The following ACOXL variants were observed in gnomAD, a reference collection of about 807,000 sequenced individuals.
ACOXL encodes acyl-coenzyme A oxidase-like protein.
Under a neutral mutation model 71.9 loss-of-function variants are expected in ACOXL, and 70 were observed. The observed-to-expected ratio is 0.97, with a 90% CI of 0.80 to 1.19. The LOEUF is 1.19. Ranked by LOEUF, ACOXL falls within the 50% of genes most tolerant of loss-of-function variation. ACOXL has a pLI of 0.00. For synonymous variants in ACOXL, 253 were observed against 281.6 expected, an observed-to-expected ratio of 0.90 and a Z score of 1.02; for missense variants, 703 against 736.3, an observed-to-expected ratio of 0.95 and a Z score of 0.52.
At chr2:110,781,492 A>G (rs111503020) in intron 2 of ACOXL, among the ~76,000 whole-genome samples, 1 of 152,100 alleles carries the variant, frequency 6.6e-6, no homozygotes, top group Admixed American at 6.5e-5. Flanking sequence ...ATACAAAAAA[A>G]TTAGCCAGGC....
At chr2:110,816,881 CCT>C (rs1687983808) in intron 9 of ACOXL, among the ~76,000 whole-genome samples, 1 of 152,218 alleles carries the variant, frequency 6.6e-6, no homozygotes, top group Non-Finnish European at 1.5e-5. Flanking sequence ...CACAGATTGG[CCT>C]CTCTGCCCGT....
At chr2:110,781,510 C>T (rs568627130) in intron 2 of ACOXL, among the ~76,000 whole-genome samples, 8 of 151,894 alleles carry the variant, frequency 5.3e-5, no homozygotes, top group African/African-American at 9.7e-5. Flanking sequence ...GGCATGGTGG[C>T]GCGCACCTGT....
intron 10 of ACOXL, among the ~76,000 whole-genome samples, chr2:110,851,299 G>A (rs1692570627): frequency 6.6e-6 from 1 of 152,134 alleles, no homozygotes; most frequent in Non-Finnish European, 1.5e-5. Context: ...GTTAAGATAG[G>A]GGAGTCTCTG....
chr2:110,940,726 T>A (rs1484287992), intron 12 of ACOXL, among the ~76,000 whole-genome samples: 2 of 152,242 alleles, frequency 1.3e-5, no homozygotes, highest in African/African-American at 4.8e-5. Context: ...TGATGGTCAA[T>A]TTTAATAACA....
chr2:110,911,360 C>T (rs1353301150), intron 11 of ACOXL, among the ~76,000 whole-genome samples: 1 of 152,054 alleles, frequency 6.6e-6, no homozygotes, highest in Admixed American at 6.6e-5. Flanking sequence ...AGGAACACTT[C>T]CCAACTTATC....
intron 10 of ACOXL, among the ~76,000 whole-genome samples, chr2:110,904,104 G>T (rs1005405106): frequency 1.3e-5 from 2 of 152,220 alleles, no homozygotes; most frequent in Admixed American, 6.5e-5. Context: ...TAAACTCCCT[G>T]CTCAGTGCTT....
intron 5 of ACOXL, chr2:110,795,940 A>C (rs1222360662): frequency 2.6e-5 from 4 of 152,132 alleles, no homozygotes; most frequent in African/African-American, 9.6e-5. Context: ...GGCAGCTACC[A>C]CTGTCTGATA....
intron 11 of ACOXL, among the ~76,000 whole-genome samples, chr2:110,931,307 A>G (rs565990829): frequency 6.6e-6 from 1 of 152,274 alleles, no homozygotes; most frequent in East Asian, 1.9e-4. Flanking sequence ...CTTAAAGACT[A>G]TTTATTTCTT....
chr2:110,845,529 C>A (rs1429443408), intron 10 of ACOXL, among the ~76,000 whole-genome samples: 1 of 152,208 alleles, frequency 6.6e-6, no homozygotes, highest in Non-Finnish European at 1.5e-5. Context: ...CTGTCCATCT[C>A]CAGAGCGTTT....
At chr2:111,099,595 G>A (rs947369619) in intron 17 of ACOXL, 3 of 152,210 alleles carry the variant, frequency 2.0e-5, no homozygotes, top group South Asian at 2.1e-4. Flanking sequence ...TGGTGCCCCC[G>A]GGGCTCCATC....
chr2:110,735,445 A>G (rs1195888183), intron 1 of ACOXL, among the ~76,000 whole-genome samples: 1 of 152,148 alleles, frequency 6.6e-6, no homozygotes, highest in Non-Finnish European at 1.5e-5. Flanking sequence ...CATAGTGAGA[A>G]GTTTGTACAG....
At chr2:110,767,031 C>T (rs1450700329) in intron 1 of ACOXL, among the ~76,000 whole-genome samples, 1 of 152,188 alleles carries the variant, frequency 6.6e-6, no homozygotes, top group Non-Finnish European at 1.5e-5. Context: ...AGAGCAATGC[C>T]CCACTGAGAC....
At chr2:110,885,856 C>G (rs113894041) in intron 10 of ACOXL, among the ~76,000 whole-genome samples, 11 of 152,260 alleles carry the variant, frequency 7.2e-5, no homozygotes, top group African/African-American at 2.6e-4. Flanking sequence ...CTGCTCGTAG[C>G]TGTTACACCC....
chr2:111,077,541 T>G (rs1021672309), intron 16 of ACOXL, among the ~76,000 whole-genome samples: 2 of 152,248 alleles, frequency 1.3e-5, no homozygotes, highest in Non-Finnish European at 2.9e-5. Flanking sequence ...TGATTGGTAT[T>G]TACCATTTCC....
intron 12 of ACOXL, among the ~76,000 whole-genome samples, chr2:110,934,033 G>T (rs1034629759): frequency 2.6e-5 from 4 of 152,214 alleles, no homozygotes; most frequent in African/African-American, 9.6e-5. Flanking sequence ...TGAGGACACA[G>T]GAGGCAGAGC....
rs140856631 is a variant in ACOXL at position 110,845,289 on chromosome 2, G to C, written c.788+3884G>C. Among the ~76,000 whole-genome samples the C allele has an allele frequency of 2.8e-3, 433 of 152,252 alleles. 2 individuals carry two copies. Among genetic ancestry groups the C allele is most frequent in the Non-Finnish European group, 4.8e-3 (325 of 68,010 alleles). ...GAAGGGAGAGGAGCAAGAGGGGAAGGCTTCATGAAGCCTCTTTATAAGGGT... is the reference window on the plus strand; with the variant it reads ...GAAGGGAGAGGAGCAAGAGGGGAAGCCTTCATGAAGCCTCTTTATAAGGGT... On this transcript the variant is annotated intron_variant, in intron 10 of 17. Coordinates refer to ENST00000439055, the MANE Select transcript of ACOXL (RefSeq NM_001142807.4).
At chr2:110,968,921 C>T (rs1170057602) in intron 12 of ACOXL, among the ~76,000 whole-genome samples, 2 of 152,174 alleles carry the variant, frequency 1.3e-5, no homozygotes, top group East Asian at 3.9e-4. Flanking sequence ...TATCCTGGGC[C>T]ATTAAAATAA....
intron 12 of ACOXL, chr2:110,968,373 C>G: frequency 8.7e-7 from 1 of 1,149,098 alleles, no homozygotes; most frequent in Non-Finnish European, 1.3e-6. Context: ...CCAGATGATT[C>G]CCTGGTTATG....
In ACOXL at chr2:111,118,132, G is replaced by A; in HGVS notation, c.*316G>A. 1 of 471,724 alleles carries A rather than the reference G, an allele frequency of 2.1e-6. No individual in the cohort carries two copies. The highest frequency in any genetic ancestry group is 3.8e-6 in the Non-Finnish European group (1 of 264,000). 29.2% of individuals were successfully genotyped at this position (471,724 alleles called of 1,614,324 possible). On this transcript the variant is annotated 3_prime_UTR_variant, in exon 18 of 18. Transcript: ENST00000439055. ...AGGGTGGGCTCCCCGCTGCGAGCGC[G>A]CCCCACAGCCGGGTGCCGCCAAAGG...
Sources: allele counts gnomAD v4.1 joint callset (sites outside exome capture counted in the v4.1 genomes callset), GRCh38; gene constraint gnomAD v4.1.1; transcripts MANE v1.5; gene names NCBI Gene and HGNC (gene_info 2026-07-23, HGNC 2026-07-21).